The following CCDC163 variants were observed in gnomAD, a reference collection of about 807,000 sequenced individuals.
CCDC163 encodes the protein CCDC163 homolog, also known as transmembrane protein CCDC163.
Under a neutral mutation model 8.2 loss-of-function variants are expected in CCDC163, and 13 were observed. That is an observed-to-expected ratio of 1.59 (90% CI 1.04 to 2.54). The LOEUF is 2.54. Among genes scored for constraint, CCDC163 ranks in the 30% most tolerant of loss-of-function variants. The pLI is 0.00. For synonymous variants in CCDC163, 41 were observed against 30.9 expected (o/e 1.33, Z -1.08); for missense variants, 117 against 78.6 (o/e 1.49, Z -1.85).
At position 45,498,185 on chromosome 1, in the gene CCDC163, T is replaced by C. The variant is rs1485346347; in HGVS notation, c.178-802A>G. ...GTTAAACAGATGCTTGAAGGCAGTA[T>C]GCTCATTAAGAGTCATCACCACTCC... On this transcript the variant is annotated intron_variant, in intron 2 of 4. Coordinates refer to ENST00000629482, the MANE Select transcript of CCDC163 (RefSeq NM_001102601.3). Among the ~76,000 whole-genome samples the C allele has an allele frequency of 2.0e-5, 3 of 151,944 alleles. No homozygotes were observed. In the East Asian group the frequency reaches 5.8e-4, roughly 29 times the overall value.
chr1:45,495,356 G>A, intron 4 of CCDC163, 190 bp from the exon 5 acceptor site: 1 of 702,398 alleles, frequency 1.4e-6, no homozygotes. Flanking sequence ...TAGGCAGCTG[G>A]CATTCAGGCA....
Position 45,494,899 on chromosome 1 carries a change from G to C in CCDC163, c.*160C>G. 3 of 614,130 alleles carry C rather than the reference G, an allele frequency of 4.9e-6. No homozygotes were observed. Among genetic ancestry groups the C allele is most frequent in the Middle Eastern group, 4.3e-4 (1 of 2,314 alleles). The allele number at this position is 614,130 out of a possible 1,614,324, so 38.0% of individuals were successfully genotyped here. A position where few individuals can be genotyped will look rare whatever the true frequency, so the allele number is the denominator to read the frequency against. On this transcript the variant is annotated 3_prime_UTR_variant, in exon 5 of 5. Coordinates refer to ENST00000629482, the MANE Select transcript of CCDC163 (RefSeq NM_001102601.3). ...GCGGAGGTTGCAGTGAGCTGAGATG[G>C]GGGGCAAGGATGGGCAGGCAGTGAA...
Position 45,494,950 on chromosome 1 carries a change from T to C in CCDC163, c.*109A>G, listed in dbSNP as rs1423434319. On this transcript the variant is annotated 3_prime_UTR_variant, in exon 5 of 5. Coordinates refer to ENST00000629482, the MANE Select transcript of CCDC163 (RefSeq NM_001102601.3). ...AAGCCTCAGTAGATAAGACAGATAA[T>C]AGCTACTTCAAGAAGGTAGGGGCGG... The C allele has an allele frequency of 4.1e-6, 3 of 730,246 alleles. No homozygotes were observed. The highest frequency in any genetic ancestry group is 2.5e-5 in the East Asian group (1 of 40,208). The allele number at this position is 730,246 out of a possible 1,614,324, so 45.2% of individuals were successfully genotyped here. A position where few individuals can be genotyped will look rare whatever the true frequency, so the allele number is the denominator to read the frequency against.
chr1:45,496,675 C>T (rs1654176859), intron 3 of CCDC163, 52 bp from the exon 4 acceptor site: 2 of 735,298 alleles, frequency 2.7e-6, no homozygotes, highest in African/African-American at 1.7e-5. Flanking sequence ...CTTTCCTTCT[C>T]CCTCCCTGCC....
At position 45,500,058 on chromosome 1, in the gene CCDC163, T is replaced by G. The variant is rs143936141; in HGVS notation, c.-449A>C. On this transcript the variant is annotated 5_prime_UTR_variant, in exon 1 of 5. Coordinates refer to ENST00000629482, the MANE Select transcript of CCDC163 (RefSeq NM_001102601.3). Reference sequence around the variant, plus strand: ...CGCCTCTTGCGAACACAACCGGCGATGGAGGCGGTGGAACTACCTTTCTCT... The same window carrying G: ...CGCCTCTTGCGAACACAACCGGCGAGGGAGGCGGTGGAACTACCTTTCTCT... The G allele has an allele frequency of 1.8e-6, 1 of 549,616 alleles. No homozygotes were observed. The highest frequency in any genetic ancestry group is 3.3e-6 in the Non-Finnish European group (1 of 304,968). 34.0% of individuals were successfully genotyped at this position (549,616 alleles called of 1,614,324 possible).
At chr1:45,496,376 C>T (rs1654135168) in intron 4 of CCDC163, 180 bp downstream of exon 4, 2 of 691,940 alleles carry the variant, frequency 2.9e-6, no homozygotes, top group Admixed American at 2.0e-5. Flanking sequence ...TTTCTCATGG[C>T]CGGGAGCAGA....
chr1:45,497,502 C>T (rs1654267617), intron 2 of CCDC163, 119 bp from the exon 3 acceptor site: 1 of 611,108 alleles, frequency 1.6e-6, no homozygotes, highest in Admixed American at 2.4e-5. Context: ...GTTCAAAGGC[C>T]TCAAGAAGGC....
Position 45,495,069 on chromosome 1 carries a change from T to C in CCDC163, c.428A>G (p.Lys143Arg). ...SKRTYSFGAP[K>R]CS is the part of the protein sequence containing the mutation. ...GTCCTTACAGGTCATTCAGGAGCAT[T>C]TTGGGGCCCCAAAGGAATAGGTCCT... The change falls in exon 5 of 5, where the codon AAA (lysine) becomes AGA (arginine). Residue 143 changes from lysine to arginine, a missense_variant. Transcript: ENST00000629482. The C allele has an allele frequency of 1.3e-6, 1 of 780,766 alleles. No individual in the cohort carries two copies. 48.4% of individuals were successfully genotyped at this position (780,766 alleles called of 1,614,324 possible).
chr1:45,498,007 T>C (rs1643399207), intron 2 of CCDC163, among the ~76,000 whole-genome samples: 1 of 149,240 alleles, frequency 6.7e-6, no homozygotes, highest in Non-Finnish European at 1.5e-5. Context: ...GAAGTAGACA[T>C]GGGAGACTTT....
Position 45,499,789 on chromosome 1 carries a change from T to C in CCDC163, c.-180A>G. On this transcript the variant is annotated 5_prime_UTR_variant, in exon 1 of 5. Coordinates refer to ENST00000629482, the MANE Select transcript of CCDC163 (RefSeq NM_001102601.3). ...CAGACCAAAACTGCGATCCTGTGAC[T>C]AGGGAAAGGAAGGACGCTCTTGGGG... The C allele has an allele frequency of 1.7e-6, 1 of 600,742 alleles. No individual in the cohort carries two copies. The allele number at this position is 600,742 out of a possible 1,614,324, so 37.2% of individuals were successfully genotyped here. A position where few individuals can be genotyped will look rare whatever the true frequency, so the allele number is the denominator to read the frequency against.
At position 45,494,482 on chromosome 1, in the gene CCDC163, GGCAGAA is replaced by G. The variant is rs1175696564; in HGVS notation, c.*571_*576del. On this transcript the variant is annotated 3_prime_UTR_variant, in exon 5 of 5. Coordinates refer to ENST00000629482, the MANE Select transcript of CCDC163 (RefSeq NM_001102601.3). Reference sequence around the variant, plus strand: ...TTGCCTCAAAAAAAAAAAAAAAAAAGGCAGAAGCTGGAGATGAGGAAAGGTAGCCTC... The same window carrying G: ...TTGCCTCAAAAAAAAAAAAAAAAAAGGCTGGAGATGAGGAAAGGTAGCCTC... The G allele has an allele frequency of 1.4e-5, 2 of 145,958 alleles. No individual in the cohort carries two copies. The highest frequency in any genetic ancestry group is 5.1e-5 in the African/African-American group (2 of 39,106). The allele number at this position is 145,958 out of a possible 1,614,324, so 9.0% of individuals were successfully genotyped here.
chr1:45,499,509 G>C, intron 1 of CCDC163, 23 bp downstream of exon 1: 1 of 778,108 alleles, frequency 1.3e-6, no homozygotes, highest in Non-Finnish European at 2.4e-6. Context: ...CACGCAAACT[G>C]GGGACCTCCA....
Position 45,495,087 on chromosome 1 carries a change from T to G in CCDC163, c.410A>C (p.Tyr137Ser), listed in dbSNP as rs1219509154. Residue 137 changes from tyrosine to serine, a missense_variant, in exon 5 of 5, where the codon TAT becomes TCT. Transcript: ENST00000629482. Reference protein sequence around the residue: ...SMPRVLSKRTYSFGAPKCS With the variant: ...SMPRVLSKRTSSFGAPKCS ...GGAGCATTTTGGGGCCCCAAAGGAATAGGTCCTCTTGCTTAAGACTCTGGG... is the reference window on the plus strand; with the variant it reads ...GGAGCATTTTGGGGCCCCAAAGGAAGAGGTCCTCTTGCTTAAGACTCTGGG... 3.8e-6 allele frequency: 3 copies of G among 780,712 alleles called. No individual in the cohort carries two copies. In the African/African-American group the frequency reaches 5.1e-5, roughly 13 times the overall value. 48.4% of individuals were successfully genotyped at this position (780,712 alleles called of 1,614,324 possible). A position where few individuals can be genotyped will look rare whatever the true frequency, so the allele number is the denominator to read the frequency against.
rs2149313618 is a variant in CCDC163, at chr1:45,494,684, T to C, written c.*375A>G. ...AGAAGGTACAGCTATAGGCTGGGCATGGTGGCTCACAACTGTAATCCCAGC... is the reference window on the plus strand; with the variant it reads ...AGAAGGTACAGCTATAGGCTGGGCACGGTGGCTCACAACTGTAATCCCAGC... On this transcript the variant is annotated 3_prime_UTR_variant, in exon 5 of 5. Transcript: ENST00000629482. The C allele has an allele frequency of 7.3e-6, 2 of 274,126 alleles. No individual in the cohort carries two copies. The highest frequency in any genetic ancestry group is 8.1e-5 in the East Asian group (1 of 12,344). 17.0% of individuals were successfully genotyped at this position (274,126 alleles called of 1,614,324 possible). A position where few individuals can be genotyped will look rare whatever the true frequency, so the allele number is the denominator to read the frequency against.
At chr1:45,497,195 C>A (rs1383732690) in intron 3 of CCDC163, 104 bp downstream of exon 3, 4 of 592,098 alleles carry the variant, frequency 6.8e-6, no homozygotes, top group Non-Finnish European at 1.2e-5. Flanking sequence ...AAGACTCCAT[C>A]TCAAAAAGAA....
chr1:45,495,565 C>T lies in CCDC163; in HGVS notation c.331-399G>A, dbSNP rs1475737182. The T allele has an allele frequency of 4.3e-6, 3 of 701,130 alleles. No homozygotes were observed. In the East Asian group the frequency reaches 8.1e-5, roughly 19 times the overall value. The allele number at this position is 701,130 out of a possible 1,614,324, so 43.4% of individuals were successfully genotyped here. A position where few individuals can be genotyped will look rare whatever the true frequency, so the allele number is the denominator to read the frequency against. On this transcript the variant is annotated intron_variant, in intron 4 of 4. Transcript: ENST00000629482. ...GAGATCCTGGAAAGGGGAACAGAAC[C>T]AGAAACAGAGAAGATAATGATGTAT...
chr1:45,495,440 G>A (rs1471443545), intron 4 of CCDC163: 1 of 702,840 alleles, frequency 1.4e-6, no homozygotes, highest in Non-Finnish European at 2.6e-6. Flanking sequence ...AAAGTTCCCA[G>A]CTACTGTTAC....
intron 2 of CCDC163, among the ~76,000 whole-genome samples, chr1:45,498,083 C>A (rs2149318160): frequency 6.6e-6 from 1 of 151,158 alleles, no homozygotes; most frequent in South Asian, 2.1e-4. Context: ...GACCTTACCC[C>A]CAACCCTGTG....
intron 2 of CCDC163, among the ~76,000 whole-genome samples, chr1:45,498,151 A>T (rs1260575170): frequency 2.0e-5 from 3 of 151,880 alleles, no homozygotes; most frequent in East Asian, 3.9e-4. Context: ...GCGGTGCAAG[A>T]TGTGCTTTGT....
Sources: gnomAD v4.1 joint callset for allele counts (sites outside exome capture counted in the v4.1 genomes callset) on GRCh38, gnomAD v4.1.1 for gene constraint, MANE v1.5 for transcripts, NCBI Gene and HGNC (gene_info 2026-07-23, HGNC 2026-07-21) for gene names.